IQCB1: variants seen among roughly 807,000 people sequenced by gnomAD.
IQCB1 encodes IQ calmodulin-binding motif-containing protein 1.
In IQCB1, 56 loss-of-function variants were observed where a neutral mutation model predicts 84.4. The observed-to-expected ratio is 0.66, with a 90% CI of 0.54 to 0.83. The LOEUF (loss-of-function observed/expected upper bound fraction) is 0.83, where lower values mean the gene tolerates loss of function less well. Ranked by LOEUF, IQCB1 falls within the 40% of genes least tolerant of loss-of-function variation. The pLI, the probability that IQCB1 is intolerant of heterozygous loss-of-function variation, is 0.00. For synonymous variants in IQCB1, 210 were observed against 234.8 expected (o/e 0.89, Z 0.96); for missense variants, 629 against 682.1 (o/e 0.92, Z 0.87).
chr3:121,774,406 C>T (rs1948137572), intron 13 of IQCB1, among the ~76,000 whole-genome samples: 1 of 152,146 alleles, frequency 6.6e-6, no homozygotes, highest in Non-Finnish European at 1.5e-5. Flanking sequence ...AGAATTAGCA[C>T]ACAATCTAGC....
At chr3:121,779,144 T>C (rs1948371989) in intron 13 of IQCB1, among the ~76,000 whole-genome samples, 2 of 152,106 alleles carry the variant, frequency 1.3e-5, no homozygotes, top group Admixed American at 6.5e-5. Flanking sequence ...ATTTTGATTA[T>C]GATATTCCTT....
intron 5 of IQCB1, among the ~76,000 whole-genome samples, chr3:121,821,738 T>TA (rs1950281825): frequency 6.6e-6 from 1 of 152,124 alleles, no homozygotes; most frequent in Non-Finnish European, 1.5e-5. Context: ...GGAAAAAATA[T>TA]AAAAAGCAAC....
chr3:121,787,117 TGAA>T (rs748918376), intron 12 of IQCB1, among the ~76,000 whole-genome samples: 8 of 152,044 alleles, frequency 5.3e-5, no homozygotes, highest in Non-Finnish European at 1.0e-4. Context: ...CAGAAGAGCC[TGAA>T]GAAGGAGTAG....
At chr3:121,802,856 T>A (rs1303913748) in intron 7 of IQCB1, among the ~76,000 whole-genome samples, 1 of 152,178 alleles carries the variant, frequency 6.6e-6, no homozygotes, top group Non-Finnish European at 1.5e-5. Flanking sequence ...GAAATTCTCA[T>A]GTTGTTTTTA....
chr3:121,807,975 C>A (rs1337387948), intron 6 of IQCB1, among the ~76,000 whole-genome samples: 1 of 151,932 alleles, frequency 6.6e-6, no homozygotes. Context: ...GATACTTATA[C>A]AAGTTGCTTA....
At chr3:121,787,578 C>T (rs1948786517) in intron 12 of IQCB1, among the ~76,000 whole-genome samples, 1 of 152,032 alleles carries the variant, frequency 6.6e-6, no homozygotes, top group African/African-American at 2.4e-5. Context: ...TGGTGAAACC[C>T]CGTCTCTATT....
intron 7 of IQCB1, among the ~76,000 whole-genome samples, chr3:121,802,606 C>T (rs543763146): frequency 6.6e-6 from 1 of 152,168 alleles, no homozygotes; most frequent in South Asian, 2.1e-4. Context: ...TTCAATCTTC[C>T]CAAAGATCCA....
At chr3:121,777,703 CACA>C (rs1948286055) in intron 13 of IQCB1, among the ~76,000 whole-genome samples, 1 of 152,164 alleles carries the variant, frequency 6.6e-6, no homozygotes, top group Non-Finnish European at 1.5e-5. Context: ...GATTTACATT[CACA>C]CCAACAGTGT....
At chr3:121,790,500 A>G (rs1461902389) in intron 10 of IQCB1, among the ~76,000 whole-genome samples, 1 of 152,328 alleles carries the variant, frequency 6.6e-6, no homozygotes, top group East Asian at 1.9e-4. Flanking sequence ...TCTTAAGGAA[A>G]TAATCAGATA....
chr3:121,824,032 A>G (rs1339525644), intron 5 of IQCB1, among the ~76,000 whole-genome samples: 1 of 152,228 alleles, frequency 6.6e-6, no homozygotes, highest in Non-Finnish European at 1.5e-5. Flanking sequence ...CCTTTAAAAC[A>G]ACAGCTTGTC....
chr3:121,824,700 T>C (rs1276230493), intron 5 of IQCB1, among the ~76,000 whole-genome samples: 1 of 151,326 alleles, frequency 6.6e-6, no homozygotes, highest in Non-Finnish European at 1.5e-5. Context: ...ATGTATCTAA[T>C]CACAGAGCTT....
intron 5 of IQCB1, among the ~76,000 whole-genome samples, chr3:121,811,075 A>G (rs2108600437): frequency 6.6e-6 from 1 of 152,214 alleles, no homozygotes; most frequent in Non-Finnish European, 1.5e-5. Context: ...TGCATTTCCA[A>G]CTGAGGTACC....
chr3:121,788,293 A>C lies in IQCB1; in HGVS notation c.1269T>G (p.Leu423=), dbSNP rs765566806. The C allele has an allele frequency of 4.3e-6, 7 of 1,613,804 alleles. No homozygotes were observed. Among genetic ancestry groups the C allele is most frequent in the Non-Finnish European group, 5.9e-6 (7 of 1,179,940 alleles). The stretch of plus-strand genomic sequence containing the variant: ...ACTACATTAGACTCACTGCTCTTTG[A>C]AGTGTGACAGCTGCTTTATACTCTA... ...SLIEYKAAVT[L]QRAALKFLAK... Residue 423 remains leucine, a synonymous_variant, in exon 12 of 15, where the codon CTT becomes CTG. Coordinates refer to ENST00000310864, the MANE Select transcript of IQCB1 (RefSeq NM_001023570.4).
intron 10 of IQCB1, among the ~76,000 whole-genome samples, chr3:121,792,375 T>G (rs188352138): frequency 9.7e-4 from 148 of 152,048 alleles, no homozygotes; most frequent in African/African-American, 3.5e-3. Context: ...AAAGTGAGAT[T>G]TGGGCCGGGC....
chr3:121,828,950 G>C lies in IQCB1; in HGVS notation c.11C>G (p.Thr4Arg). 28 of 1,607,740 alleles carry C rather than the reference G, an allele frequency of 1.7e-5. No individual in the cohort carries two copies. Among genetic ancestry groups the C allele is most frequent in the Non-Finnish European group, 2.2e-5 (26 of 1,175,050 alleles). The change falls in exon 3 of 15, where the codon ACA becomes AGA. Residue 4 changes from threonine to arginine, a missense_variant. Transcript: ENST00000310864. MKP[T>R]GTDPRILSIA... ...AGATAAGATCCTTGGGTCTGTACCTGTTGGCTTCATTTCTCTTATTACCTA... is the reference window on the plus strand; with the variant it reads ...AGATAAGATCCTTGGGTCTGTACCTCTTGGCTTCATTTCTCTTATTACCTA...
At position 121,800,600 on chromosome 3, in the gene IQCB1, CAA is replaced by C. The variant is rs371814389; in HGVS notation, c.588-1228_588-1227del. ...CATCAGTCAATGTCATCACACTATT[CAA>C]AACTCAGATTAAAAAATATGCTCAT... is the stretch of plus-strand genomic sequence containing the variant. On this transcript the variant is annotated intron_variant, in intron 7 of 14. Coordinates refer to ENST00000310864, the MANE Select transcript of IQCB1 (RefSeq NM_001023570.4). Among the ~76,000 whole-genome samples, 769 of 151,908 alleles carry C rather than the reference CAA, an allele frequency of 5.1e-3. 8 individuals are homozygous for C. The highest frequency in any genetic ancestry group is 0.017 in the African/African-American group (717 of 41,494).
At chr3:121,815,928 C>CAAAA (rs36019026) in intron 5 of IQCB1, among the ~76,000 whole-genome samples, 11 of 88,774 alleles carry the variant, frequency 1.2e-4, no homozygotes, top group East Asian at 3.8e-4. Flanking sequence ...CATGTGGAAC[C>CAAAA]AAAAAAAAAA....
intron 2 of IQCB1, 75 bp downstream of exon 2, chr3:121,834,316 C>T (rs926776402): frequency 1.3e-5 from 2 of 152,188 alleles, no homozygotes; most frequent in South Asian, 2.1e-4. Context: ...TAATTCAACA[C>T]TTCTCCCATC....
Position 121,795,611 on chromosome 3 carries a change from T to TA in IQCB1, c.877-46dup, listed in dbSNP as rs34294955. 0.15 allele frequency: 120,830 copies of TA among 808,156 alleles called. 2,947 individuals carry two copies. Among genetic ancestry groups the TA allele is most frequent in the East Asian group, 0.45 (16,480 of 36,758 alleles). 50.1% of individuals were successfully genotyped at this position (808,156 alleles called of 1,614,324 possible). A position where few individuals can be genotyped will look rare whatever the true frequency, so the allele number is the denominator to read the frequency against. ...TTAGAGATATCTCTAGGAAGGTCTT[T>TA]AAAAAAAAAAAAAAGTTTACCTCTT... On this transcript the variant is annotated intron_variant, in intron 9 of 14. Coordinates refer to ENST00000310864, the MANE Select transcript of IQCB1 (RefSeq NM_001023570.4).
Sources: allele counts gnomAD v4.1 joint callset (sites outside exome capture counted in the v4.1 genomes callset), GRCh38; gene constraint gnomAD v4.1.1; transcripts MANE v1.5; gene names NCBI Gene and HGNC (gene_info 2026-07-23, HGNC 2026-07-21).